The following CHST11 variants were observed in gnomAD, a reference collection of about 807,000 sequenced individuals.
The protein encoded by CHST11 is C4S-1.
A neutral mutation model predicts 30.4 loss-of-function variants in CHST11; 9 were observed. The ratio of observed to expected loss-of-function variants is 0.30; its 90% confidence interval spans 0.18 to 0.52. CHST11 has a LOEUF of 0.52. Among genes scored for constraint, CHST11 ranks in the 20% least tolerant of loss-of-function variants. The pLI is 0.97. For synonymous variants in CHST11, 152 were observed against 187.8 expected, an observed-to-expected ratio of 0.81 and a Z score of 1.56; for missense variants, 348 against 460.6, an observed-to-expected ratio of 0.76 and a Z score of 2.24.
chr12:104,525,675 A>T (rs562552296), intron 1 of CHST11, among the ~76,000 whole-genome samples: 12 of 152,234 alleles, frequency 7.9e-5, no homozygotes, highest in Non-Finnish European at 1.6e-4. Context: ...GGCCTGGGAT[A>T]TAGTAAGTGC....
intron 1 of CHST11, among the ~76,000 whole-genome samples, chr12:104,549,790 C>CCAGCTACT (rs1334615569): frequency 1.1e-4 from 17 of 152,166 alleles, no homozygotes; most frequent in East Asian, 5.8e-4. Flanking sequence ...GCCTGTAGTC[C>CCAGCTACT]CAGCTACTCG....
intron 1 of CHST11, among the ~76,000 whole-genome samples, chr12:104,487,823 G>A (rs1243758809): frequency 6.6e-6 from 1 of 151,226 alleles, no homozygotes; most frequent in Admixed American, 6.6e-5. Flanking sequence ...TCCTTGCGTG[G>A]TTAAAATACT....
At chr12:104,559,943 C>T (rs1179369991) in intron 1 of CHST11, among the ~76,000 whole-genome samples, 3 of 152,026 alleles carry the variant, frequency 2.0e-5, no homozygotes. Flanking sequence ...TTTGCACCAA[C>T]CTAATATTTT....
Position 104,619,574 on chromosome 12 carries a change from A to G in CHST11, c.204+17583A>G, listed in dbSNP as rs1388489678. On this transcript the variant is annotated intron_variant, in intron 2 of 2. Coordinates refer to ENST00000303694, the MANE Select transcript of CHST11 (RefSeq NM_018413.6). Reference sequence around the variant, plus strand: ...CCCAACCAAGAGTTGGTGTTCAAACAGGAATCAGAATGATTCGGGGTCTCT... The same window carrying G: ...CCCAACCAAGAGTTGGTGTTCAAACGGGAATCAGAATGATTCGGGGTCTCT... Among the ~76,000 whole-genome samples the G allele has an allele frequency of 2.0e-5, 3 of 152,304 alleles. No homozygotes were observed. The East Asian group carries it at 5.8e-4, about 29-fold the overall frequency.
chr12:104,457,458 G>A lies in CHST11; in HGVS notation c.47G>A (p.Arg16Gln), dbSNP rs1486664513. ...LEVMRMNRIC[R>Q]MVLATCLGSF... ...GTGATGAGGATGAACAGAATCTGCC[G>A]GATGGTGCTGGCCACTTGCTTGGGA... The change falls in exon 1 of 3, where the codon CGG (arginine) becomes CAG (glutamine). Residue 16 changes from arginine to glutamine, a missense_variant. Transcript: ENST00000303694. 1.2e-5 allele frequency: 19 copies of A among 1,614,096 alleles called. No individual in the cohort carries two copies. The highest frequency in any genetic ancestry group is 1.7e-5 in the Admixed American group (1 of 60,016).
intron 1 of CHST11, among the ~76,000 whole-genome samples, chr12:104,468,130 G>A (rs545743872): frequency 5.9e-4 from 90 of 151,966 alleles, no homozygotes; most frequent in African/African-American, 2.0e-3. Context: ...TACGGGAGGC[G>A]GGGAAGCAAG....
chr12:104,480,161 A>G (rs565167634), intron 1 of CHST11, among the ~76,000 whole-genome samples: 7 of 152,240 alleles, frequency 4.6e-5, no homozygotes, highest in Non-Finnish European at 1.0e-4. Flanking sequence ...TCTTTCATAA[A>G]CATCTGCTTA....
chr12:104,692,459 T>C (rs950246376), intron 2 of CHST11, among the ~76,000 whole-genome samples: 2 of 152,258 alleles, frequency 1.3e-5, no homozygotes, highest in African/African-American at 4.8e-5. Context: ...ACTGAAGCCT[T>C]ACAAACCTCT....
At chr12:104,634,107 G>A (rs1052153451) in intron 2 of CHST11, among the ~76,000 whole-genome samples, 8 of 152,196 alleles carry the variant, frequency 5.3e-5, no homozygotes, top group Non-Finnish European at 8.8e-5. Context: ...TTATAGAACT[G>A]GTAATCTAAG....
intron 2 of CHST11, among the ~76,000 whole-genome samples, chr12:104,741,842 C>T (rs2040349657): frequency 6.6e-6 from 1 of 152,192 alleles, no homozygotes; most frequent in Admixed American, 6.5e-5. Context: ...GGGCAGCGAT[C>T]AAGAGCAGGT....
intron 1 of CHST11, among the ~76,000 whole-genome samples, chr12:104,490,888 C>A (rs1358959899): frequency 6.6e-6 from 1 of 152,170 alleles, no homozygotes; most frequent in Admixed American, 6.5e-5. Flanking sequence ...TATTGACCAT[C>A]CTTCAAAGAG....
At chr12:104,609,645 C>T (rs1038717899) in intron 2 of CHST11, among the ~76,000 whole-genome samples, 1 of 152,182 alleles carries the variant, frequency 6.6e-6, no homozygotes, top group Admixed American at 6.5e-5. Flanking sequence ...CAGTCACTTA[C>T]CCTGTTCAAG....
At chr12:104,583,721 C>CTTTTTTT (rs1297368145) in intron 1 of CHST11, among the ~76,000 whole-genome samples, 1 of 10,084 alleles carries the variant, frequency 9.9e-5, no homozygotes, top group African/African-American at 1.1e-4. Context: ...AGATCTCTCT[C>CTTTTTTT]TTTTTTTTGA....
intron 1 of CHST11, among the ~76,000 whole-genome samples, chr12:104,536,320 A>G (rs2038236686): frequency 1.3e-5 from 2 of 152,054 alleles, no homozygotes; most frequent in Non-Finnish European, 2.9e-5. Context: ...AATGAGGCCA[A>G]CCTCTTCTTC....
chr12:104,478,414 C>T (rs927291152), intron 1 of CHST11, among the ~76,000 whole-genome samples: 4 of 152,198 alleles, frequency 2.6e-5, no homozygotes, highest in South Asian at 2.1e-4. Flanking sequence ...ACCAGGTCCA[C>T]GTCCCTAAGC....
intron 1 of CHST11, among the ~76,000 whole-genome samples, chr12:104,457,785 GTTTTTTTTT>G (rs35612022): frequency 2.9e-5 from 4 of 137,684 alleles, no homozygotes; most frequent in African/African-American, 5.3e-5. Context: ...AGGGGCGGTA[GTTTTTTTTT>G]TTTTTTTTTT....
At chr12:104,664,140 C>G (rs1356447074) in intron 2 of CHST11, among the ~76,000 whole-genome samples, 1 of 152,170 alleles carries the variant, frequency 6.6e-6, no homozygotes, top group Non-Finnish European at 1.5e-5. Flanking sequence ...TATATCACCT[C>G]TCTTCTATAA....
intron 1 of CHST11, among the ~76,000 whole-genome samples, chr12:104,466,107 G>A (rs533740017): frequency 2.0e-5 from 3 of 152,010 alleles, no homozygotes; most frequent in East Asian, 1.9e-4. Flanking sequence ...TGATCTGCCC[G>A]CCACGGCCTC....
At position 104,458,191 on chromosome 12, in the gene CHST11, G is replaced by T. The variant is rs895446428; in HGVS notation, c.118+662G>T. Among the ~76,000 whole-genome samples the T allele has an allele frequency of 6.6e-6, 1 of 152,044 alleles. No individual in the cohort carries two copies. Among genetic ancestry groups the T allele is most frequent in the Admixed American group, 6.5e-5 (1 of 15,270 alleles). ...CCGTTTGCCCCCGGGGTCCGGCTCCGCAGTGACCTTGCGGCTGGTGCCCCG... is the reference window on the plus strand; with the variant it reads ...CCGTTTGCCCCCGGGGTCCGGCTCCTCAGTGACCTTGCGGCTGGTGCCCCG... On this transcript the variant is annotated intron_variant, in intron 1 of 2. Transcript: ENST00000303694. This position sits in a 1 kb window ranked among gnomAD's most constrained non-coding sequence, Gnocchi z 5.7.
Sources: allele counts gnomAD v4.1 joint callset (sites outside exome capture counted in the v4.1 genomes callset), GRCh38; gene constraint gnomAD v4.1.1; non-coding constraint Gnocchi (gnomAD v3.1); transcripts MANE v1.5; gene names NCBI Gene and HGNC (gene_info 2026-07-23, HGNC 2026-07-21).